The following IRX5 variants were observed in gnomAD, a reference collection of about 807,000 sequenced individuals.
IRX5 encodes iroquois-class homeodomain protein IRX-5.
In IRX5, 8 loss-of-function variants were observed where a neutral mutation model predicts 37.6. That is an observed-to-expected ratio of 0.21 (90% CI 0.12 to 0.38). IRX5 has a LOEUF of 0.38. Among genes scored for constraint, IRX5 ranks in the 10% least tolerant of loss-of-function variants. The pLI is 1.00. For missense variants in IRX5, 635 were observed against 695.2 expected (o/e 0.91, Z 0.97); for synonymous variants, 359 against 328.6 (o/e 1.09, Z -1.00).
chr16:54,932,428 G>A lies in IRX5; in HGVS notation c.250-70G>A, dbSNP rs771836752. The A allele has an allele frequency of 3.3e-6, 5 of 1,513,982 alleles. No homozygotes were observed. The South Asian group carries it at 6.4e-5, about 20-fold the overall frequency. 93.8% of individuals were successfully genotyped at this position (1,513,982 alleles called of 1,614,324 possible). ...CAGACCCCGGGGAGCGCAGGGAAAA[G>A]GGTGCTTCGGTCGTTCCGATGGCAG... On this transcript the variant is annotated intron_variant, in intron 1 of 2. Coordinates refer to ENST00000394636, the MANE Select transcript of IRX5 (RefSeq NM_005853.6). This position sits in a 1 kb window ranked among gnomAD's most constrained non-coding sequence, Gnocchi z 6.7.
Position 54,933,357 on chromosome 16 carries a change from C to G in IRX5, c.936C>G (p.Gly312=). 2 of 1,499,572 alleles carry G rather than the reference C, an allele frequency of 1.3e-6. No individual in the cohort carries two copies. The allele number at this position is 1,499,572 out of a possible 1,614,324, so 92.9% of individuals were successfully genotyped here. The part of the protein sequence containing the change: ...PAAGEVPPGP[G]GPSVIHSPPP... ...CGGGCGAGGTGCCTCCGGGTCCCGG[C>G]GGGCCCTCGGTTATCCATTCGCCGC... Residue 312 remains glycine, a synonymous_variant, in exon 3 of 3, where the codon GGC becomes GGG. Coordinates refer to ENST00000394636, the MANE Select transcript of IRX5 (RefSeq NM_005853.6).
Position 54,933,698 on chromosome 16 carries a change from G to A in IRX5, c.1277G>A (p.Gly426Glu), listed in dbSNP as rs764807996. 12 of 1,613,522 alleles carry A rather than the reference G, an allele frequency of 7.4e-6. No individual in the cohort carries two copies. Among genetic ancestry groups the A allele is most frequent in the Non-Finnish European group, 1.0e-5 (12 of 1,179,848 alleles). Residue 426 changes from glycine to glutamate, a missense_variant, in exon 3 of 3, where the codon GGG becomes GAG. By Grantham distance (98) the Gly-to-Glu change is moderately conservative. This residue lies in a region of IRX5 where 188 missense variants were observed against 200.8 expected (regional missense o/e 0.94). Coordinates refer to ENST00000394636, the MANE Select transcript of IRX5 (RefSeq NM_005853.6). ...GSFGHLHGHPGPGPGPTTGPG... is the reference protein window; with the variant it reads ...GSFGHLHGHPEPGPGPTTGPG... ...TTCGGACACCTTCATGGCCACCCGG[G>A]GCCCGGGCCAGGCCCCACAACCGGT...
rs1273978055 is a variant in IRX5 at position 54,930,972 on chromosome 16, C to T, written c.-227C>T. On this transcript the variant is annotated 5_prime_UTR_variant, in exon 1 of 3. Transcript: ENST00000394636. ...GGAGGGGAGGGGAGGGGAAAAAAAG[C>T]CCAGCTGGGGCGAGCGAGGCGCGCA... 6.4e-6 allele frequency: 1 copy of T among 155,854 alleles called. No homozygotes were observed. Among genetic ancestry groups the T allele is most frequent in the Admixed American group, 6.5e-5 (1 of 15,276 alleles). 9.7% of individuals were successfully genotyped at this position (155,854 alleles called of 1,614,324 possible). A position where few individuals can be genotyped will look rare whatever the true frequency, so the allele number is the denominator to read the frequency against.
chr16:54,933,096 G>A lies in IRX5; in HGVS notation c.675G>A (p.Ala225=). The A allele has an allele frequency of 6.3e-7, 1 of 1,592,570 alleles. No individual in the cohort carries two copies. Among genetic ancestry groups the A allele is most frequent in the Non-Finnish European group, 8.5e-7 (1 of 1,174,576 alleles). Residue 225 remains alanine (A), a synonymous_variant, in exon 3 of 3, where the codon GCG becomes GCA. Transcript: ENST00000394636. Reference sequence around the variant, plus strand: ...CCGCAGGAGGAGCTGAGCAGAAGGCGGCTTCGGGCTGCGAACGGCTTCAGG... The same window carrying A: ...CCGCAGGAGGAGCTGAGCAGAAGGCAGCTTCGGGCTGCGAACGGCTTCAGG... ...GPEAGGAEQK[A]ASGCERLQGP... is the part of the protein sequence containing the mutation.
rs1364615932 is a variant in IRX5, at chr16:54,931,093, C to A, written c.-106C>A. 9.4e-6 allele frequency: 8 copies of A among 851,674 alleles called. No homozygotes were observed. The highest frequency in any genetic ancestry group is 3.6e-5 in the African/African-American group (2 of 54,812). 52.8% of individuals were successfully genotyped at this position (851,674 alleles called of 1,614,324 possible). A position where few individuals can be genotyped will look rare whatever the true frequency, so the allele number is the denominator to read the frequency against. On this transcript the variant is annotated 5_prime_UTR_variant, in exon 1 of 3. Transcript: ENST00000394636. ...CCCGGAGCCGGGGCCAGAGGAGCGG[C>A]GGCCCAGGGCAGCCAGAGGCCAGGT...
In IRX5 at chr16:54,932,981, C is replaced by T; in HGVS notation, c.655+78C>T. 6.3e-7 allele frequency: 1 copy of T among 1,593,048 alleles called. No homozygotes were observed. The highest frequency in any genetic ancestry group is 1.1e-5 in the South Asian group (1 of 88,318). On this transcript the variant is annotated intron_variant, in intron 2 of 2. Transcript: ENST00000394636. This position sits in a 1 kb window ranked among gnomAD's most constrained non-coding sequence, Gnocchi z 6.7. ...GGCCTGGAGGGGGCGCGCACGGGGC[C>T]TGGAGGTTGGGGGCAGGGGTCCCTG...
In IRX5 at chr16:54,932,053, G is replaced by C. The variant is rs1963903930; in HGVS notation, c.250-445G>C. ...CTCAGCTTTTTGTTTGCATTTCTTA[G>C]CTGTTGAAAAAAGAAAAAAAGAGCC... On this transcript the variant is annotated intron_variant, in intron 1 of 2. Coordinates refer to ENST00000394636, the MANE Select transcript of IRX5 (RefSeq NM_005853.6). This position sits in a 1 kb window ranked among gnomAD's most constrained non-coding sequence, Gnocchi z 6.7. The C allele has an allele frequency of 1.4e-6, 1 of 702,268 alleles. No individual in the cohort carries two copies. 43.5% of individuals were successfully genotyped at this position (702,268 alleles called of 1,614,324 possible). A position where few individuals can be genotyped will look rare whatever the true frequency, so the allele number is the denominator to read the frequency against.
chr16:54,933,869 T>C lies in IRX5; in HGVS notation c.1448T>C (p.Ile483Thr). 6.3e-7 allele frequency: 1 copy of C among 1,583,136 alleles called. No homozygotes were observed. The highest frequency in any genetic ancestry group is 8.6e-7 in the Non-Finnish European group (1 of 1,157,164). The part of the protein sequence containing the change: ...PYELKKGMSD[I>T] ...GAATTGAAGAAAGGTATGTCCGACA[T>C]TTAACGCGGGCTGCGTCGGTCCCGG... Residue 483 changes from isoleucine (I) to threonine (T), a missense_variant, in exon 3 of 3, where the codon ATT (isoleucine) becomes ACT (threonine). Physicochemically the swap from Ile to Thr is moderately conservative, Grantham distance 89 (BLOSUM62 -1). Transcript: ENST00000394636.
rs1963910556 is a variant in IRX5 at position 54,932,492 on chromosome 16, C to T, written c.250-6C>T. 3 of 1,603,648 alleles carry T rather than the reference C, an allele frequency of 1.9e-6. No individual in the cohort carries two copies. The African/African-American group carries it at 4.0e-5, about 21-fold the overall frequency. The stretch of plus-strand genomic sequence containing the variant: ...CCACACTCACCTCTCTGCGTCTCCA[C>T]CGCAGGGCTCTCCCTACGACCACAC... On this transcript the variant is annotated splice_region_variant and splice_polypyrimidine_tract_variant and intron_variant, in intron 1 of 2. Coordinates refer to ENST00000394636, the MANE Select transcript of IRX5 (RefSeq NM_005853.6). This position sits in a 1 kb window ranked among gnomAD's most constrained non-coding sequence, Gnocchi z 6.7.
rs1457900867 is a variant in IRX5, at chr16:54,933,838, C to G, written c.1417C>G (p.Pro473Ala). The change falls in exon 3 of 3, where the codon CCC becomes GCC. Residue 473 changes from proline to alanine, a missense_variant. This residue lies in a region of IRX5 where 188 missense variants were observed against 200.8 expected (regional missense o/e 0.94). Coordinates refer to ENST00000394636, the MANE Select transcript of IRX5 (RefSeq NM_005853.6). ...TCAGCTAGACCTGTGCAAAGACTCT[C>G]CCTATGAATTGAAGAAAGGTATGTC... is the stretch of plus-strand genomic sequence containing the variant. ...QSQLDLCKDSPYELKKGMSDI is the reference protein window; with the variant it reads ...QSQLDLCKDSAYELKKGMSDI 5.0e-6 allele frequency: 8 copies of G among 1,606,562 alleles called. No individual in the cohort carries two copies. Among genetic ancestry groups the G allele is most frequent in the East Asian group, 2.2e-5 (1 of 44,588 alleles).
At position 54,931,178 on chromosome 16, in the gene IRX5, G is replaced by T; in HGVS notation, c.-21G>T. The T allele has an allele frequency of 7.2e-7, 1 of 1,381,266 alleles. No individual in the cohort carries two copies. The highest frequency in any genetic ancestry group is 9.4e-7 in the Non-Finnish European group (1 of 1,063,924). 85.6% of individuals were successfully genotyped at this position (1,381,266 alleles called of 1,614,324 possible). On this transcript the variant is annotated 5_prime_UTR_variant, in exon 1 of 3. Coordinates refer to ENST00000394636, the MANE Select transcript of IRX5 (RefSeq NM_005853.6). ...CTCGTTGGCGGCCGCGGCGCGGCGC[G>T]CCCCATGCCCGTGTGTGGCCATGTC...
chr16:54,933,814 C>T lies in IRX5; in HGVS notation c.1393C>T (p.Gln465Ter). 1 of 1,614,006 alleles carries T rather than the reference C, an allele frequency of 6.2e-7. No homozygotes were observed. The highest frequency in any genetic ancestry group is 8.5e-7 in the Non-Finnish European group (1 of 1,179,932). ...KDPKMLRSQSQLDLCKDSPYE... is the reference protein window; with the variant it reads ...KDPKMLRSQS ...CCCGAAAATGTTGCGGAGCCAGTCT[C>T]AGCTAGACCTGTGCAAAGACTCTCC... Residue 465 changes from glutamine to a stop codon, truncating the protein, a stop_gained, in exon 3 of 3, where the codon CAG becomes TAG. Transcript: ENST00000394636. LOFTEE classifies it high-confidence loss of function.
In IRX5 at chr16:54,932,913, C is replaced by T. The variant is rs1253803319; in HGVS notation, c.655+10C>T. ...GAGGGCCCCGAAGCAGGTTGGTGGA[C>T]ATGGGAAAGGGCGTGTTGGGCGGGA... On this transcript the variant is annotated intron_variant, in intron 2 of 2. Coordinates refer to ENST00000394636, the MANE Select transcript of IRX5 (RefSeq NM_005853.6). This position sits in a 1 kb window ranked among gnomAD's most constrained non-coding sequence, Gnocchi z 6.7. The T allele has an allele frequency of 6.2e-7, 1 of 1,603,908 alleles. No homozygotes were observed. The highest frequency in any genetic ancestry group is 2.2e-5 in the East Asian group (1 of 44,730).
In IRX5 at chr16:54,932,440, C is replaced by A; in HGVS notation, c.250-58C>A. ...AGCGCAGGGAAAAGGGTGCTTCGGT[C>A]GTTCCGATGGCAGTGGAGACCACGG... On this transcript the variant is annotated intron_variant, in intron 1 of 2. Coordinates refer to ENST00000394636, the MANE Select transcript of IRX5 (RefSeq NM_005853.6). This position sits in a 1 kb window ranked among gnomAD's most constrained non-coding sequence, Gnocchi z 6.7. 1 of 1,534,452 alleles carries A rather than the reference C, an allele frequency of 6.5e-7. No homozygotes were observed. Among genetic ancestry groups the A allele is most frequent in the South Asian group, 1.3e-5 (1 of 79,100 alleles).
rs773070904 is a variant in IRX5 at position 54,933,572 on chromosome 16, G to T, written c.1151G>T (p.Arg384Leu). ...GCGTCGCCGGCCCCGGCGCCGTCACGCTCGCCCTCGGCGCAGTGTCCTTTT... is the reference window on the plus strand; with the variant it reads ...GCGTCGCCGGCCCCGGCGCCGTCACTCTCGCCCTCGGCGCAGTGTCCTTTT... The part of the protein sequence containing the change: ...SRASPAPAPS[R>L]SPSAQCPFPG... Residue 384 changes from arginine to leucine, a missense_variant, in exon 3 of 3, where the codon CGC becomes CTC. Physicochemically the swap from Arg to Leu is moderately radical, Grantham distance 102. Coordinates refer to ENST00000394636, the MANE Select transcript of IRX5 (RefSeq NM_005853.6). 1.2e-6 allele frequency: 2 copies of T among 1,608,656 alleles called. No homozygotes were observed. The highest frequency in any genetic ancestry group is 2.2e-5 in the East Asian group (1 of 44,688).
At position 54,931,435 on chromosome 16, in the gene IRX5, C is replaced by G; in HGVS notation, c.237C>G (p.Phe79Leu). Reference sequence around the variant, plus strand: ...CCGCGGCCGCCGCCGCCGCCGCCTTCTCCTCGTACGTGGTAAGTGAGCGGG... The same window carrying G: ...CCGCGGCCGCCGCCGCCGCCGCCTTGTCCTCGTACGTGGTAAGTGAGCGGG... ...ADPAAAAAAA[F>L]SSYVGSPYDH... The change falls in exon 1 of 3, where the codon TTC becomes TTG. Residue 79 changes from phenylalanine to leucine, a missense_variant. Phe to Leu is a conservative substitution (Grantham distance 22, BLOSUM62 0). This residue lies in a region of IRX5 where 145 missense variants were observed against 152.4 expected (regional missense o/e 0.95). Transcript: ENST00000394636. 1.3e-6 allele frequency: 2 copies of G among 1,587,330 alleles called. No individual in the cohort carries two copies. Among genetic ancestry groups the G allele is most frequent in the South Asian group, 2.2e-5 (2 of 89,936 alleles).
chr16:54,933,213 G>A lies in IRX5; in HGVS notation c.792G>A (p.Leu264=). Residue 264 remains leucine, a synonymous_variant, in exon 3 of 3, where the codon CTG becomes CTA. Transcript: ENST00000394636. Reference sequence around the variant, plus strand: ...CCTCGGAGGGCCGCCTCGACGCGCTGCAGGGCCCCCCCCGCACCGGCGGGC... The same window carrying A: ...CCTCGGAGGGCCGCCTCGACGCGCTACAGGGCCCCCCCCGCACCGGCGGGC... ...EPPSEGRLDA[L]QGPPRTGGPS... is the part of the protein sequence containing the mutation. The A allele has an allele frequency of 6.6e-7, 1 of 1,523,106 alleles. No homozygotes were observed. Among genetic ancestry groups the A allele is most frequent in the Non-Finnish European group, 8.8e-7 (1 of 1,142,226 alleles). The allele number at this position is 1,523,106 out of a possible 1,614,324, so 94.3% of individuals were successfully genotyped here.
chr16:54,933,030 C>T (rs1323880796), intron 2 of IRX5, 47 bp from the exon 3 acceptor site: 2 of 1,604,000 alleles, frequency 1.2e-6, no homozygotes, highest in Non-Finnish European at 8.5e-7. Flanking sequence ...GAACCGGGTC[C>T]CGCCGCGCGG....
rs1963945075 is a variant in IRX5, at chr16:54,934,449, A to T, written c.*576A>T. ...TAATGAGAGCCACTCATTACTTTTT[A>T]GAAGCCTCAATAAACTGTCCATTGC... is the stretch of plus-strand genomic sequence containing the variant. On this transcript the variant is annotated 3_prime_UTR_variant, in exon 3 of 3. Coordinates refer to ENST00000394636, the MANE Select transcript of IRX5 (RefSeq NM_005853.6). The T allele has an allele frequency of 6.5e-6, 1 of 152,688 alleles. No individual in the cohort carries two copies. Among genetic ancestry groups the T allele is most frequent in the Non-Finnish European group, 1.5e-5 (1 of 68,048 alleles). The allele number at this position is 152,688 out of a possible 1,614,324, so 9.5% of individuals were successfully genotyped here.
Sources: allele counts gnomAD v4.1 joint callset, GRCh38; gene constraint gnomAD v4.1.1; regional missense constraint gnomAD v4.1.1; non-coding constraint Gnocchi (gnomAD v3.1); transcripts MANE v1.5; gene names NCBI Gene and HGNC (gene_info 2026-07-23, HGNC 2026-07-21).